Variants in SEMA3A observed in about 807,000 individuals in gnomAD.
The protein encoded by SEMA3A is semaphorin 3A, also known as semaphorin-3A.
Under a neutral mutation model 97.9 loss-of-function variants are expected in SEMA3A, and 29 were observed. The observed-to-expected ratio is 0.30, with a 90% CI of 0.22 to 0.40. SEMA3A has a LOEUF of 0.40. Ranked by LOEUF, SEMA3A falls within the 10% of genes least tolerant of loss-of-function variation. The probability of loss-of-function intolerance (pLI) is 1.00; values close to 1 mark genes in which losing one functional copy is unlikely to be tolerated. For missense variants in SEMA3A, 763 were observed against 951.3 expected (o/e 0.80, Z 2.60); for synonymous variants, 321 against 323.7 (o/e 0.99, Z 0.09).
At chr7:84,414,658 ACACT>A (rs1330043990) in intron 1 of SEMA3A, among the ~76,000 whole-genome samples, 2 of 152,064 alleles carry the variant, frequency 1.3e-5, no homozygotes, top group African/African-American at 4.8e-5. Flanking sequence ...ACGTTCAAAA[ACACT>A]CAGATGGTGG....
intron 4 of SEMA3A, among the ~76,000 whole-genome samples, chr7:84,071,469 T>C (rs1793737046): frequency 6.6e-6 from 1 of 152,072 alleles, no homozygotes. Flanking sequence ...TTATGCGAAG[T>C]GGTGTTTAAT....
chr7:84,094,282 A>G (rs868624778), intron 4 of SEMA3A, among the ~76,000 whole-genome samples: 2 of 151,604 alleles, frequency 1.3e-5, no homozygotes, highest in Non-Finnish European at 2.9e-5. Flanking sequence ...CCTTCTTTCT[A>G]TATTTTTAAA....
rs1432722653 is a variant in SEMA3A at position 84,191,239 on chromosome 7, A to C, written c.112+3236T>G. ...ATACCTTGACTCTGAAAAAAAAAAA[A>C]AACAACTTTAGAAAATAGAAAAAAG... On this transcript the variant is annotated intron_variant, in intron 1 of 16. Coordinates refer to ENST00000265362, the MANE Select transcript of SEMA3A (RefSeq NM_006080.3). 2.6e-5 allele frequency among the ~76,000 whole-genome samples: 4 copies of C among 151,080 alleles called. No individual in the cohort carries two copies. The South Asian group carries it at 8.3e-4, about 31-fold the overall frequency.
At position 84,469,052 on chromosome 7, in the gene SEMA3A, A is replaced by G. The variant is rs140818316; in HGVS notation, c.-246+23408T>C. On this transcript the variant is annotated intron_variant, in intron 1 of 3. Coordinates refer to the SEMA3A transcript ENST00000424555. ...CTGAGGATAGAAAATTGATGATTTCATTTATAAAATAGAATAGGCTGAACT... is the reference window on the plus strand; with the variant it reads ...CTGAGGATAGAAAATTGATGATTTCGTTTATAAAATAGAATAGGCTGAACT... Among the ~76,000 whole-genome samples the G allele has an allele frequency of 8.1e-4, 124 of 152,266 alleles. 2 individuals carry two copies. Among genetic ancestry groups the G allele is most frequent in the East Asian group, 5.8e-4 (3 of 5,184 alleles).
At chr7:83,979,624 G>A (rs2109704) in intron 14 of SEMA3A, among the ~76,000 whole-genome samples, 58,710 of 151,820 alleles carry the variant, frequency 0.39, 11,878 homozygotes, top group Middle Eastern at 0.49. Flanking sequence ...TTGAAATTTC[G>A]ACAAAATGAA....
chr7:84,219,379 A>C (rs1798822455), intron 3 of SEMA3A, among the ~76,000 whole-genome samples: 1 of 152,050 alleles, frequency 6.6e-6, no homozygotes, highest in Non-Finnish European at 1.5e-5. Flanking sequence ...GATCTTATTA[A>C]GGCTTTCGGT....
At chr7:84,288,182 C>A (rs1021963861) in intron 3 of SEMA3A, among the ~76,000 whole-genome samples, 3 of 151,990 alleles carry the variant, frequency 2.0e-5, no homozygotes, top group African/African-American at 7.2e-5. Context: ...AACTCCTGGG[C>A]TCAGAAGATC....
At chr7:84,122,149 C>G (rs145808505) in intron 3 of SEMA3A, among the ~76,000 whole-genome samples, 3,181 of 151,708 alleles carry the variant, frequency 0.021, 107 homozygotes, top group African/African-American at 0.073. Context: ...CAGTGTAAAA[C>G]TGTTCCTATT....
chr7:84,153,019 A>G lies in SEMA3A; in HGVS notation c.113-18068T>C, dbSNP rs111242942. ...ACTTAAAAATACTTCTACTTTTTAA[A>G]AAATCAAGAAATTAGTTTAAAAGTT... On this transcript the variant is annotated intron_variant, in intron 1 of 16. Coordinates refer to ENST00000265362, the MANE Select transcript of SEMA3A (RefSeq NM_006080.3). 3.3e-3 allele frequency among the ~76,000 whole-genome samples: 495 copies of G among 152,274 alleles called. 2 individuals carry two copies. Among genetic ancestry groups the G allele is most frequent in the African/African-American group, 0.012 (481 of 41,522 alleles).
At chr7:84,279,462 T>A (rs1267937912) in intron 3 of SEMA3A, among the ~76,000 whole-genome samples, 3 of 140,256 alleles carry the variant, frequency 2.1e-5, no homozygotes, top group African/African-American at 5.4e-5. Flanking sequence ...TTAAAAAAAA[T>A]GTCAAGATTG....
intron 1 of SEMA3A, among the ~76,000 whole-genome samples, chr7:84,137,146 A>T (rs1584021759): frequency 1.3e-5 from 2 of 152,228 alleles, no homozygotes; most frequent in East Asian, 3.9e-4. Flanking sequence ...CATGCCTGTA[A>T]TCTCAGCACT....
At chr7:83,996,698 TTAAC>T (rs10616450) in intron 12 of SEMA3A, among the ~76,000 whole-genome samples, 42,194 of 129,888 alleles carry the variant, frequency 0.32, 6,848 homozygotes, top group Non-Finnish European at 0.41. Context: ...TCAATTGACT[TTAAC>T]TAACGTGTTG....
chr7:84,429,939 C>T (rs1408270598), intron 1 of SEMA3A, among the ~76,000 whole-genome samples: 1 of 151,726 alleles, frequency 6.6e-6, no homozygotes, highest in African/African-American at 2.4e-5. Context: ...CCCACATATG[C>T]TACCTAGGAG....
chr7:84,156,034 T>G (rs1796836566), intron 1 of SEMA3A, among the ~76,000 whole-genome samples: 1 of 152,134 alleles, frequency 6.6e-6, no homozygotes, highest in Non-Finnish European at 1.5e-5. Context: ...TAAAGCCCTT[T>G]TTCTGAGTTA....
chr7:84,090,629 T>C lies in SEMA3A; in HGVS notation c.453+19841A>G, dbSNP rs76236690. Among the ~76,000 whole-genome samples the C allele has an allele frequency of 5.3e-3, 801 of 152,314 alleles. 4 individuals are homozygous for C. The highest frequency in any genetic ancestry group is 0.017 in the East Asian group (88 of 5,188). On this transcript the variant is annotated intron_variant, in intron 4 of 16. Coordinates refer to ENST00000265362, the MANE Select transcript of SEMA3A (RefSeq NM_006080.3). ...AATGTATGCTTTTAACTAAGCAATTTTCTTTCTTTAAAAAACAAGAATATT... is the reference window on the plus strand; with the variant it reads ...AATGTATGCTTTTAACTAAGCAATTCTCTTTCTTTAAAAAACAAGAATATT...
At chr7:83,978,360 C>T (rs1057294141) in intron 14 of SEMA3A, among the ~76,000 whole-genome samples, 3 of 152,074 alleles carry the variant, frequency 2.0e-5, no homozygotes, top group African/African-American at 4.8e-5. Flanking sequence ...TGTGGGTATC[C>T]TTTTTCTACA....
intron 3 of SEMA3A, among the ~76,000 whole-genome samples, chr7:84,302,091 T>C (rs183923813): frequency 6.6e-6 from 1 of 152,238 alleles, no homozygotes; most frequent in East Asian, 1.9e-4. Flanking sequence ...TTCAATGGAC[T>C]ACCATTCAGT....
At chr7:84,123,744 A>G (rs1795704726) in intron 3 of SEMA3A, among the ~76,000 whole-genome samples, 1 of 136,550 alleles carries the variant, frequency 7.3e-6, no homozygotes, top group Non-Finnish European at 1.5e-5. Flanking sequence ...TTTAAAATAT[A>G]CAATTTATTT....
chr7:84,171,574 C>T (rs1462623608), intron 1 of SEMA3A, among the ~76,000 whole-genome samples: 1 of 151,928 alleles, frequency 6.6e-6, no homozygotes, highest in East Asian at 1.9e-4. Context: ...GAATAATATG[C>T]AAATTAAGTT....
Sources: allele counts gnomAD v4.1 joint callset (sites outside exome capture counted in the v4.1 genomes callset), GRCh38; gene constraint gnomAD v4.1.1; transcripts MANE v1.5; gene names NCBI Gene and HGNC (gene_info 2026-07-23, HGNC 2026-07-21).